The following TF variants were observed in gnomAD, a reference collection of about 807,000 sequenced individuals.
TF encodes the protein transferrin, also known as serotransferrin.
Under a neutral mutation model 82.4 loss-of-function variants are expected in TF, and 55 were observed. That is an observed-to-expected ratio of 0.67 (90% confidence interval 0.54 to 0.84). The LOEUF (loss-of-function observed/expected upper bound fraction) is 0.84. Among genes scored for constraint, TF ranks in the 40% least tolerant of loss-of-function variants. TF has a pLI of 0.00. For missense variants in TF, 737 were observed against 868.4 expected (o/e 0.85, Z 1.90); for synonymous variants, 332 against 332.6 (o/e 1.00, Z 0.02).
intron 16 of TF, chr3:133,777,891 C>G: frequency 6.4e-6 from 1 of 156,368 alleles, no homozygotes; most frequent in East Asian, 1.9e-4. Flanking sequence ...ACTGAGTCAC[C>G]TGAAAAAGTT....
chr3:133,753,312 C>A (rs111393164), intron 2 of TF, among the ~76,000 whole-genome samples: 2 of 152,182 alleles, frequency 1.3e-5, no homozygotes, highest in Non-Finnish European at 2.9e-5. Context: ...TAATTGCCTA[C>A]GGTAAAGTCA....
chr3:133,792,454 T>C lies in TF; in HGVS notation c.*13834T>C, dbSNP rs777096226. The C allele has an allele frequency of 2.0e-5, 3 of 152,228 alleles. No individual in the cohort carries two copies. The highest frequency in any genetic ancestry group is 2.9e-5 in the Non-Finnish European group (2 of 68,040). The allele number at this position is 152,228 out of a possible 1,614,324, so 9.4% of individuals were successfully genotyped here. ...ACTCTTAACTCTACAACTTGCCTGC[T>C]TTACAGCTCGGTAAGGCCTGAGACA... On this transcript the variant is annotated 3_prime_UTR_variant, in exon 17 of 17. Coordinates refer to ENST00000402696, the MANE Select transcript of TF (RefSeq NM_001063.4).
At chr3:133,769,136 G>C (rs1934199424) in intron 13 of TF, among the ~76,000 whole-genome samples, 1 of 152,114 alleles carries the variant, frequency 6.6e-6, no homozygotes. Context: ...TAGGCCTTCT[G>C]TTATTTGGTG....
At chr3:133,687,206 G>T in the TF span, among the ~76,000 whole-genome samples, 8 of 152,260 alleles carry the variant, frequency 5.3e-5, no homozygotes, top group African/African-American at 1.7e-4. Flanking sequence ...GGAGTGGGGG[G>T]AGGGGAGAGG....
At chr3:133,683,979 G>A in the TF span, among the ~76,000 whole-genome samples, 55 of 152,286 alleles carry the variant, frequency 3.6e-4, no homozygotes, top group African/African-American at 1.2e-3. Context: ...AAATGTAAAA[G>A]AACAGAGATT....
chr3:133,713,802 G>C, the TF span, among the ~76,000 whole-genome samples: 2 of 152,096 alleles, frequency 1.3e-5, no homozygotes, highest in Non-Finnish European at 2.9e-5. Flanking sequence ...CACCCATGGG[G>C]CCTCCCCTCT....
chr3:133,685,599 A>C, the TF span, among the ~76,000 whole-genome samples: 1 of 152,214 alleles, frequency 6.6e-6, no homozygotes, highest in Non-Finnish European at 1.5e-5. Flanking sequence ...ACTCCCATTC[A>C]CAATTGCTTC....
At chr3:133,775,206 A>G (rs940573330) in intron 14 of TF, 22 of 594,304 alleles carry the variant, frequency 3.7e-5, no homozygotes, top group African/African-American at 2.6e-4. Flanking sequence ...CTGGGTAGGG[A>G]AGGTTGGAAG....
chr3:133,772,249 C>T (rs962650810), intron 14 of TF, among the ~76,000 whole-genome samples: 6 of 152,154 alleles, frequency 3.9e-5, no homozygotes, highest in South Asian at 2.1e-4. Flanking sequence ...TTTCTTCCCT[C>T]GTATTATTGC....
At chr3:133,766,544 GT>G in intron 12 of TF, 111 bp downstream of exon 12, 10 of 1,443,162 alleles carry the variant, frequency 6.9e-6, no homozygotes, top group Non-Finnish European at 9.6e-6. Flanking sequence ...TTCTAGAGAA[GT>G]AGAATTTGGT....
chr3:133,716,395 C>T, the TF span, among the ~76,000 whole-genome samples: 1 of 152,194 alleles, frequency 6.6e-6, no homozygotes, highest in Non-Finnish European at 1.5e-5. Context: ...CACCTCATCT[C>T]AGTTAAGGGC....
the TF span, among the ~76,000 whole-genome samples, chr3:133,682,312 T>G: frequency 6.6e-6 from 1 of 152,270 alleles, no homozygotes; most frequent in East Asian, 1.9e-4. Context: ...TCCAAAGGAA[T>G]GCAGCTCCCC....
chr3:133,703,233 A>T, the TF span, among the ~76,000 whole-genome samples: 1 of 152,240 alleles, frequency 6.6e-6, no homozygotes, highest in Admixed American at 6.5e-5. Context: ...ACTGTGTGAC[A>T]AGCATGTTTA....
chr3:133,734,391 G>T, the TF span, among the ~76,000 whole-genome samples: 2 of 152,188 alleles, frequency 1.3e-5, no homozygotes, highest in African/African-American at 4.8e-5. Flanking sequence ...TGTTCTATCA[G>T]AAAGTGAAGT....
chr3:133,745,233 C>A (rs944422978), upstream of TF, among the ~76,000 whole-genome samples: 1 of 152,166 alleles, frequency 6.6e-6, no homozygotes, highest in African/African-American at 2.4e-5. Context: ...TGAGCTTGGT[C>A]AACTAAAACA....
chr3:133,794,760 A>G lies in TF; in HGVS notation c.*16140A>G, dbSNP rs1470745769. On this transcript the variant is annotated 3_prime_UTR_variant, in exon 17 of 17. Transcript: ENST00000402696. ...AAGTTTCTCTCCCGAAGAAGATGGCATCCTTGATGTGAACAGCTTTTCCCA... is the reference window on the plus strand; with the variant it reads ...AAGTTTCTCTCCCGAAGAAGATGGCGTCCTTGATGTGAACAGCTTTTCCCA... 1 of 152,252 alleles carries G rather than the reference A, an allele frequency of 6.6e-6. No individual in the cohort carries two copies. The highest frequency in any genetic ancestry group is 1.5e-5 in the Non-Finnish European group (1 of 68,048). 9.4% of individuals were successfully genotyped at this position (152,252 alleles called of 1,614,324 possible). A position where few individuals can be genotyped will look rare whatever the true frequency, so the allele number is the denominator to read the frequency against.
At chr3:133,763,807 C>T (rs954020028) in intron 9 of TF, among the ~76,000 whole-genome samples, 6 of 152,206 alleles carry the variant, frequency 3.9e-5, no homozygotes, top group African/African-American at 1.4e-4. Flanking sequence ...TGCTGTGTTC[C>T]ACAGCCACAG....
At chr3:133,719,644 A>G in the TF span, among the ~76,000 whole-genome samples, 1 of 151,856 alleles carries the variant, frequency 6.6e-6, no homozygotes, top group Non-Finnish European at 1.5e-5. Flanking sequence ...TTCTATTTCC[A>G]TGAAGAATGC....
chr3:133,764,383 C>G, intron 10 of TF, 108 bp downstream of exon 10: 1 of 940,850 alleles, frequency 1.1e-6, no homozygotes, highest in Non-Finnish European at 1.7e-6. Context: ...AAAGCTTTCC[C>G]TCTCTGAGCA....
Sources: gnomAD v4.1 joint callset for allele counts (sites outside exome capture counted in the v4.1 genomes callset) on GRCh38, gnomAD v4.1.1 for gene constraint, MANE v1.5 for transcripts, NCBI Gene and HGNC (gene_info 2026-07-23, HGNC 2026-07-21) for gene names.